The following RIMS2 variants were observed in gnomAD, a reference collection of about 807,000 sequenced individuals.
The protein encoded by RIMS2 is regulating synaptic membrane exocytosis 2, also known as regulating synaptic membrane exocytosis protein 2.
Under a neutral mutation model 174.4 loss-of-function variants are expected in RIMS2, and 59 were observed. That is an observed-to-expected ratio of 0.34 (90% CI 0.27 to 0.42). The LOEUF (loss-of-function observed/expected upper bound fraction) is 0.42. Ranked by LOEUF, RIMS2 falls within the 10% of genes least tolerant of loss-of-function variation. RIMS2 has a pLI of 1.00. For missense variants in RIMS2, 1,620 were observed against 1,666.3 expected (o/e 0.97, Z 0.48); for synonymous variants, 606 against 572.5 (o/e 1.06, Z -0.84).
chr8:103,756,979 C>G (rs868439775), intron 2 of RIMS2, among the ~76,000 whole-genome samples: 111 of 135,042 alleles, frequency 8.2e-4, no homozygotes, highest in South Asian at 1.0e-3. Context: ...GTGTGTGTGT[C>G]TGTGTGTGTG....
intron 19 of RIMS2, among the ~76,000 whole-genome samples, chr8:104,069,932 A>G (rs2097169618): frequency 6.6e-6 from 1 of 152,220 alleles, no homozygotes; most frequent in Non-Finnish European, 1.5e-5. Context: ...TAGCTGTTAT[A>G]TGCTGTTATG....
At chr8:104,053,609 T>C (rs2096824018) in intron 19 of RIMS2, among the ~76,000 whole-genome samples, 2 of 152,238 alleles carry the variant, frequency 1.3e-5, no homozygotes, top group Admixed American at 1.3e-4. Flanking sequence ...TTTCGGATAA[T>C]TAAATCACTT....
At chr8:104,190,882 C>T (rs2098994052) in intron 19 of RIMS2, among the ~76,000 whole-genome samples, 1 of 151,830 alleles carries the variant, frequency 6.6e-6, no homozygotes, top group Admixed American at 6.6e-5. Context: ...CTCATTCCTC[C>T]AATCTCACTT....
chr8:104,071,138 C>A (rs1378892254), intron 19 of RIMS2, among the ~76,000 whole-genome samples: 4 of 152,040 alleles, frequency 2.6e-5, no homozygotes, highest in Admixed American at 6.6e-5. Flanking sequence ...TTGGATGGAC[C>A]AAAGGAATAC....
intron 2 of RIMS2, among the ~76,000 whole-genome samples, chr8:103,728,547 A>G (rs1264096184): frequency 1.3e-5 from 2 of 151,982 alleles, no homozygotes; most frequent in African/African-American, 2.4e-5. Flanking sequence ...CCTGTTCAGT[A>G]TGTTACTAGC....
chr8:104,001,670 T>C (rs1335410414), intron 17 of RIMS2, among the ~76,000 whole-genome samples: 2 of 152,028 alleles, frequency 1.3e-5, no homozygotes, highest in Non-Finnish European at 2.9e-5. Context: ...ACTTTCTAAG[T>C]TTCTCTTCCC....
chr8:103,579,261 TCACACACACACAGACA>T (rs1415429218), intron 1 of RIMS2, among the ~76,000 whole-genome samples: 14 of 59,816 alleles, frequency 2.3e-4, no homozygotes, highest in East Asian at 7.4e-4. Flanking sequence ...TGTCTCTGTC[TCACACACACACAGACA>T]CACACACACA....
At chr8:104,016,838 C>T in intron 19 of RIMS2, among the ~76,000 whole-genome samples, 1 of 152,130 alleles carries the variant, frequency 6.6e-6, no homozygotes, top group Non-Finnish European at 1.5e-5. Context: ...ATTGGTAATA[C>T]TGAAATTCAG....
At chr8:103,908,814 T>C (rs966392682) in intron 4 of RIMS2, among the ~76,000 whole-genome samples, 3 of 152,238 alleles carry the variant, frequency 2.0e-5, no homozygotes, top group African/African-American at 7.2e-5. Context: ...AGTACTTATA[T>C]TCATCCTTTT....
At chr8:103,690,755 G>A (rs1440614649) in intron 1 of RIMS2, among the ~76,000 whole-genome samples, 1 of 152,098 alleles carries the variant, frequency 6.6e-6, no homozygotes, top group African/African-American at 2.4e-5. Flanking sequence ...CAATCACAGT[G>A]TTATAATATT....
intron 1 of RIMS2, among the ~76,000 whole-genome samples, chr8:103,579,251 T>TGA (rs2093452793): frequency 7.6e-6 from 1 of 131,486 alleles, no homozygotes; most frequent in Admixed American, 7.3e-5. Context: ...CCTCTCTCTC[T>TGA]GTCTCTGTCT....
At chr8:104,024,647 C>G (rs2096206680) in intron 19 of RIMS2, among the ~76,000 whole-genome samples, 1 of 151,814 alleles carries the variant, frequency 6.6e-6, no homozygotes, top group South Asian at 2.1e-4. Context: ...ATTGAGGATG[C>G]AAAGATGAAC....
intron 1 of RIMS2, among the ~76,000 whole-genome samples, chr8:103,629,137 C>G (rs1386260947): frequency 2.6e-5 from 4 of 152,198 alleles, no homozygotes; most frequent in South Asian, 2.1e-4. Flanking sequence ...TACCCTGCAC[C>G]TGACTCAACT....
chr8:103,936,541 T>A lies in RIMS2; in HGVS notation c.2376-10T>A. 6.6e-7 allele frequency: 1 copy of A among 1,521,340 alleles called. No individual in the cohort carries two copies. Among genetic ancestry groups the A allele is most frequent in the Non-Finnish European group, 8.9e-7 (1 of 1,128,406 alleles). The allele number at this position is 1,521,340 out of a possible 1,614,324, so 94.2% of individuals were successfully genotyped here. ...TATGTAAGTTCATAATTCATTGTTT[T>A]TTTCCATAGTGATAAAAACAAGAGA... On this transcript the variant is annotated splice_polypyrimidine_tract_variant and intron_variant, in intron 12 of 23. Transcript: ENST00000504942.
chr8:103,646,902 G>A (rs2096346320), intron 1 of RIMS2, among the ~76,000 whole-genome samples: 1 of 152,136 alleles, frequency 6.6e-6, no homozygotes, highest in Non-Finnish European at 1.5e-5. Context: ...AAGCATCCTT[G>A]TCTTGTGCTC....
intron 3 of RIMS2, among the ~76,000 whole-genome samples, chr8:103,767,165 A>T (rs529119351): frequency 1.4e-3 from 212 of 149,168 alleles, no homozygotes; most frequent in Non-Finnish European, 2.4e-3. Flanking sequence ...AGAATAAAGG[A>T]TTTTGATGGG....
intron 1 of RIMS2, among the ~76,000 whole-genome samples, chr8:103,572,039 C>T (rs891299709): frequency 3.9e-5 from 6 of 152,122 alleles, no homozygotes; most frequent in African/African-American, 1.4e-4. Context: ...AAGCCACGGA[C>T]CCTCGCAGTG....
chr8:103,553,877 G>C (rs372386617), intron 1 of RIMS2, among the ~76,000 whole-genome samples: 139 of 152,240 alleles, frequency 9.1e-4, no homozygotes, highest in African/African-American at 3.2e-3. Context: ...GAACAGAATA[G>C]AGAGCCAAGA....
intron 19 of RIMS2, among the ~76,000 whole-genome samples, chr8:104,130,947 G>C (rs1022831741): frequency 1.3e-5 from 2 of 152,108 alleles, no homozygotes; most frequent in African/African-American, 4.8e-5. Context: ...AGTTTAAGAG[G>C]GAAAAGAGAA....
Sources: allele counts gnomAD v4.1 joint callset (sites outside exome capture counted in the v4.1 genomes callset), GRCh38; gene constraint gnomAD v4.1.1; transcripts MANE v1.5; gene names NCBI Gene and HGNC (gene_info 2026-07-23, HGNC 2026-07-21).